Variants in DSCAM observed in about 807,000 individuals in gnomAD.
The protein encoded by DSCAM is cell adhesion molecule DSCAM.
A neutral mutation model predicts 217.7 loss-of-function variants in DSCAM; 47 were observed. The observed-to-expected ratio is 0.22, with a 90% CI of 0.17 to 0.28. DSCAM has a LOEUF of 0.28. Among genes scored for constraint, DSCAM ranks in the 10% least tolerant of loss-of-function variants. The pLI, the probability that DSCAM is intolerant of heterozygous loss-of-function variation, is 1.00. For missense variants in DSCAM, 2,080 were observed against 2,618.3 expected (o/e 0.79, Z 4.49); for synonymous variants, 1,056 against 1,015.3 (o/e 1.04, Z -0.76).
At chr21:40,638,622 CG>C (rs2089838411) in intron 3 of DSCAM, among the ~76,000 whole-genome samples, 1 of 152,086 alleles carries the variant, frequency 6.6e-6, no homozygotes, top group Non-Finnish European at 1.5e-5. Flanking sequence ...TCAAGCACGG[CG>C]AGGCTGGGGC....
chr21:40,180,887 G>T (rs533457926), intron 14 of DSCAM, among the ~76,000 whole-genome samples: 4 of 152,108 alleles, frequency 2.6e-5, no homozygotes, highest in African/African-American at 9.6e-5. Context: ...CCTCTTGGTG[G>T]TCACTGGGCA....
intron 11 of DSCAM, among the ~76,000 whole-genome samples, chr21:40,204,133 G>T (rs1260922713): frequency 6.6e-6 from 1 of 152,140 alleles, no homozygotes; most frequent in Non-Finnish European, 1.5e-5. Context: ...CCAAGAATAG[G>T]GTTCCCAGTG....
At chr21:40,605,791 CTTTTTTTTT>C (rs755767800) in intron 3 of DSCAM, among the ~76,000 whole-genome samples, 15 of 62,006 alleles carry the variant, frequency 2.4e-4, no homozygotes, top group East Asian at 1.1e-3. Context: ...AATGCACATT[CTTTTTTTTT>C]TTTTTTTTTT....
At chr21:40,573,248 G>A (rs931203662) in intron 3 of DSCAM, among the ~76,000 whole-genome samples, 3 of 152,130 alleles carry the variant, frequency 2.0e-5, no homozygotes, top group African/African-American at 7.2e-5. Context: ...TGAGGCAGGA[G>A]AATGGCGTGA....
chr21:40,463,267 C>A (rs1351855199), intron 3 of DSCAM, among the ~76,000 whole-genome samples: 1 of 151,728 alleles, frequency 6.6e-6, no homozygotes, highest in Non-Finnish European at 1.5e-5. Flanking sequence ...TAAAAATAAA[C>A]CCCAAATGCC....
intron 16 of DSCAM, among the ~76,000 whole-genome samples, chr21:40,161,889 A>G (rs2146761420): frequency 6.6e-6 from 1 of 152,294 alleles, no homozygotes; most frequent in South Asian, 2.1e-4. Context: ...ACCTTTTTGA[A>G]TTTCAGTTGA....
intron 1 of DSCAM, among the ~76,000 whole-genome samples, chr21:40,780,248 T>C (rs1367106204): frequency 6.6e-6 from 1 of 151,996 alleles, no homozygotes; most frequent in Non-Finnish European, 1.5e-5. Context: ...TATCAGAAGC[T>C]AAGGGACCAC....
chr21:40,194,294 T>C (rs1307338568), intron 11 of DSCAM, among the ~76,000 whole-genome samples: 6 of 152,210 alleles, frequency 3.9e-5, no homozygotes, highest in Non-Finnish European at 7.3e-5. Context: ...TTTAAAGTAA[T>C]GGTGGAAAGG....
At chr21:40,121,104 G>C (rs116296570) in intron 20 of DSCAM, among the ~76,000 whole-genome samples, 2,586 of 152,182 alleles carry the variant, frequency 0.017, 76 homozygotes, top group African/African-American at 0.059. Context: ...TTATGAGCAA[G>C]GAAAATATCT....
At chr21:40,762,696 C>T (rs1251671239) in intron 1 of DSCAM, among the ~76,000 whole-genome samples, 1 of 152,100 alleles carries the variant, frequency 6.6e-6, no homozygotes. Flanking sequence ...TGATGAACAT[C>T]GATGCAAAAA....
chr21:40,658,685 G>A (rs1171149598), intron 3 of DSCAM, among the ~76,000 whole-genome samples: 1 of 152,076 alleles, frequency 6.6e-6, no homozygotes, highest in East Asian at 1.9e-4. Context: ...TATGTGTAGA[G>A]AAACACAAGT....
intron 20 of DSCAM, among the ~76,000 whole-genome samples, chr21:40,094,577 A>G (rs1030029893): frequency 6.6e-6 from 1 of 152,216 alleles, no homozygotes. Context: ...CACCTGAAAG[A>G]ATTGGAGGTC....
At chr21:40,481,103 A>G (rs2145987218) in intron 3 of DSCAM, among the ~76,000 whole-genome samples, 1 of 152,308 alleles carries the variant, frequency 6.6e-6, no homozygotes, top group Non-Finnish European at 1.5e-5. Flanking sequence ...AAACTTGGGC[A>G]TACACTTTTT....
intron 12 of DSCAM, 130 bp from the exon 13 acceptor site, chr21:40,188,117 C>T: frequency 1.6e-6 from 1 of 626,026 alleles, no homozygotes; most frequent in Non-Finnish European, 2.8e-6. Context: ...CTCACACACA[C>T]ACACACACAC....
chr21:40,018,899 C>T (rs1408507014), intron 32 of DSCAM, among the ~76,000 whole-genome samples: 2 of 152,240 alleles, frequency 1.3e-5, no homozygotes, highest in Non-Finnish European at 2.9e-5. Flanking sequence ...TCCAGTTTTT[C>T]AGGCAAAGCT....
At chr21:40,105,410 G>T (rs1385775114) in intron 20 of DSCAM, among the ~76,000 whole-genome samples, 1 of 152,204 alleles carries the variant, frequency 6.6e-6, no homozygotes, top group Non-Finnish European at 1.5e-5. Context: ...GGGACCCCGT[G>T]GGAGGTAACT....
At chr21:40,261,934 A>G (rs2073458221) in intron 11 of DSCAM, among the ~76,000 whole-genome samples, 1 of 152,120 alleles carries the variant, frequency 6.6e-6, no homozygotes, top group South Asian at 2.1e-4. Context: ...GAGTGAGATG[A>G]AGTCATGAGA....
chr21:40,095,435 G>A (rs960896937), intron 20 of DSCAM, among the ~76,000 whole-genome samples: 1 of 152,150 alleles, frequency 6.6e-6, no homozygotes, highest in Non-Finnish European at 1.5e-5. Context: ...CTAAGTGAAA[G>A]GAGCCAATTA....
At chr21:40,186,055 T>G (rs1458664917) in intron 14 of DSCAM, among the ~76,000 whole-genome samples, 1 of 152,210 alleles carries the variant, frequency 6.6e-6, no homozygotes, top group Non-Finnish European at 1.5e-5. Flanking sequence ...CAGTCACAGA[T>G]ACTACTTTTC....
Sources: allele counts gnomAD v4.1 joint callset (sites outside exome capture counted in the v4.1 genomes callset), GRCh38; gene constraint gnomAD v4.1.1; transcripts MANE v1.5; gene names NCBI Gene and HGNC (gene_info 2026-07-23, HGNC 2026-07-21).